Variants in FANCD2 observed in about 807,000 individuals in gnomAD.
FANCD2 encodes the protein Fanconi anemia group D2 protein.
A neutral mutation model predicts 192.3 loss-of-function variants in FANCD2; 131 were observed. The ratio of observed to expected loss-of-function variants is 0.68; its 90% CI spans 0.59 to 0.79. The LOEUF (loss-of-function observed/expected upper bound fraction) is 0.79, where lower values mean the gene tolerates loss of function less well. Among genes scored for constraint, FANCD2 ranks in the 30% least tolerant of loss-of-function variants. The pLI is 0.00. For synonymous variants in FANCD2, 524 were observed against 612.5 expected (o/e 0.86, Z 2.13); for missense variants, 1,508 against 1,701.6 (o/e 0.89, Z 2.00).
intron 43 of FANCD2, 143 bp from the exon 44 acceptor site, chr3:10,101,042 CTGG>C: frequency 3.3e-6 from 2 of 601,106 alleles, no homozygotes; most frequent in South Asian, 3.5e-5. Context: ...GCATTCCAGC[CTGG>C]TGACAGAGCA....
chr3:10,078,174 G>A lies in FANCD2; in HGVS notation c.2953G>A (p.Ala985Thr). Residue 985 changes from alanine to threonine, a missense_variant, in exon 30 of 44, where the codon GCC becomes ACC. This residue lies in a region of FANCD2 where 796 missense variants were observed against 879.4 expected (regional missense o/e 0.91). Transcript: ENST00000675286. ...GGAGAGTATGCTGACACCTCCTATT[G>A]CCAGGAGAGTCCCCTTTCTCAAGGT... ...KLESMLTPPI[A>T]RRVPFLKNKG... 1 of 1,610,716 alleles carries A rather than the reference G, an allele frequency of 6.2e-7. No individual in the cohort carries two copies. The highest frequency in any genetic ancestry group is 8.5e-7 in the Non-Finnish European group (1 of 1,177,100).
intron 18 of FANCD2, among the ~76,000 whole-genome samples, chr3:10,054,863 A>AAG (rs1300842496): frequency 1.3e-5 from 2 of 151,772 alleles, no homozygotes; most frequent in African/African-American, 4.8e-5. Context: ...TAAAAAAAAA[A>AAG]CTTTTGGACT....
At chr3:10,059,479 T>C (rs1302933744) in intron 18 of FANCD2, among the ~76,000 whole-genome samples, 1 of 152,228 alleles carries the variant, frequency 6.6e-6, no homozygotes, top group Admixed American at 6.5e-5. Flanking sequence ...CTAGAAGTTT[T>C]TTATAATGTA....
In FANCD2 at chr3:10,065,861, C is replaced by T. The variant is rs1374524934; in HGVS notation, c.2270-3C>T. On this transcript the variant is annotated splice_region_variant and splice_polypyrimidine_tract_variant and intron_variant, in intron 24 of 43. Coordinates refer to ENST00000675286, the MANE Select transcript of FANCD2 (RefSeq NM_001018115.3). ...GTAGTTGGAAATGTTTGTTCTCTCT[C>T]AGATTGTCCTATATTCCTAACTGAC... 1 of 1,584,414 alleles carries T rather than the reference C, an allele frequency of 6.3e-7. No individual in the cohort carries two copies. The highest frequency in any genetic ancestry group is 8.7e-7 in the Non-Finnish European group (1 of 1,152,954).
At chr3:10,071,835 C>T (rs1027916942) in intron 26 of FANCD2, among the ~76,000 whole-genome samples, 8 of 152,206 alleles carry the variant, frequency 5.3e-5, no homozygotes, top group Non-Finnish European at 1.2e-4. Flanking sequence ...TCTCGGCTTA[C>T]TGCGACCTCT....
chr3:10,036,770 G>A (rs1174157780), intron 7 of FANCD2, among the ~76,000 whole-genome samples: 3 of 151,682 alleles, frequency 2.0e-5, no homozygotes, highest in Middle Eastern at 3.4e-3. Flanking sequence ...AATGGTAGTT[G>A]TCTCCAAAGA....
chr3:10,095,235 G>A lies in FANCD2; in HGVS notation c.3999G>A (p.Leu1333=), dbSNP rs1694883609. ...TGAGCTTACTGGAAACCTTCCAGTT[G>A]GACACAAGGCTGCTTCATCACCTGT... The part of the protein sequence containing the change: ...DVLSLLETFQ[L]DTRLLHHLCG... Residue 1333 remains leucine, a synonymous_variant, in exon 41 of 44, where the codon TTG becomes TTA. Coordinates refer to ENST00000675286, the MANE Select transcript of FANCD2 (RefSeq NM_001018115.3). The A allele has an allele frequency of 1.9e-6, 3 of 1,614,146 alleles. No homozygotes were observed. The East Asian group carries it at 6.7e-5, about 36-fold the overall frequency.
chr3:10,080,107 G>A (rs900205692), intron 30 of FANCD2, among the ~76,000 whole-genome samples: 5 of 151,996 alleles, frequency 3.3e-5, no homozygotes, highest in African/African-American at 1.2e-4. Context: ...TAAAGATGGG[G>A]TTTCACCATG....
chr3:10,051,208 G>C (rs1238194770), intron 17 of FANCD2, among the ~76,000 whole-genome samples: 1 of 149,524 alleles, frequency 6.7e-6, no homozygotes, highest in Admixed American at 6.7e-5. Context: ...GTGAAACCCC[G>C]TCTCTACTAA....
chr3:10,052,396 G>C lies in FANCD2; in HGVS notation c.1555G>C (p.Asp519His), dbSNP rs780491203. The stretch of plus-strand genomic sequence containing the variant: ...ATCATTTTTTCCACAGGGCATTTTA[G>C]ATTATCTGGATAACATATCCCCTCA... ...MNAVFVKGIL[D>H]YLDNISPQQI... Residue 519 changes from aspartate to histidine, a missense_variant, in exon 18 of 44, where the codon GAT becomes CAT. By Grantham distance (81) the Asp-to-His change is moderately conservative. Around this residue, in one of 5 missense-constraint regions of FANCD2, gnomAD observed 110 missense variants for 114.4 expected, o/e 0.96. Coordinates refer to ENST00000675286, the MANE Select transcript of FANCD2 (RefSeq NM_001018115.3). The C allele has an allele frequency of 6.2e-7, 1 of 1,607,766 alleles. No individual in the cohort carries two copies. Among genetic ancestry groups the C allele is most frequent in the South Asian group, 1.1e-5 (1 of 90,952 alleles).
intron 14 of FANCD2, among the ~76,000 whole-genome samples, chr3:10,044,278 T>A (rs1454615523): frequency 2.0e-5 from 3 of 152,172 alleles, no homozygotes; most frequent in Admixed American, 6.5e-5. Flanking sequence ...ACTTTGCTCA[T>A]GTAGACCTGA....
rs143964628 is a variant in FANCD2 at position 10,090,709 on chromosome 3, C to T, written c.3777+324C>T. On this transcript the variant is annotated intron_variant, in intron 37 of 43. Coordinates refer to ENST00000675286, the MANE Select transcript of FANCD2 (RefSeq NM_001018115.3). ...TCCTGACTTCATGATCCACCCACCT[C>T]GGCCTCCCAAAGTGCTGAGATTACA... Among the ~76,000 whole-genome samples, 1,249 of 152,288 alleles carry T rather than the reference C, an allele frequency of 8.2e-3. 21 individuals carry two copies. Among genetic ancestry groups the T allele is most frequent in the African/African-American group, 0.028 (1,174 of 41,564 alleles).
rs370232992 is a variant in FANCD2 at position 10,036,348 on chromosome 3, C to A, written c.491+9C>A. On this transcript the variant is annotated intron_variant, in intron 7 of 43. Coordinates refer to ENST00000675286, the MANE Select transcript of FANCD2 (RefSeq NM_001018115.3). ...GAATATTTTTTTGAAAAGTAAGTGGCGTTATTATGGAATGTTCAAAGTACC... is the reference window on the plus strand; with the variant it reads ...GAATATTTTTTTGAAAAGTAAGTGGAGTTATTATGGAATGTTCAAAGTACC... 2 of 1,604,266 alleles carry A rather than the reference C, an allele frequency of 1.2e-6. No homozygotes were observed.
At chr3:10,087,049 G>A in intron 33 of FANCD2, 85 bp from the exon 34 acceptor site, 1 of 1,462,104 alleles carries the variant, frequency 6.8e-7, no homozygotes, top group South Asian at 1.1e-5. Flanking sequence ...CACTGAAAGG[G>A]ACTTGGGCAC....
intron 25 of FANCD2, 140 bp from the exon 26 acceptor site, chr3:10,067,069 C>T (rs2087741038): frequency 1.3e-5 from 9 of 672,394 alleles, no homozygotes; most frequent in Admixed American, 2.2e-5. Flanking sequence ...CTGTATACCA[C>T]GTTGTTGAGG....
chr3:10,081,268 G>C (rs953652495), intron 31 of FANCD2, 40 bp downstream of exon 31: 1 of 1,613,564 alleles, frequency 6.2e-7, no homozygotes. Flanking sequence ...GCAAATATGA[G>C]GTTTCATTTT....
At chr3:10,033,698 C>CTTTTTTTTTTTT (rs34115008) in intron 3 of FANCD2, among the ~76,000 whole-genome samples, 7 of 89,378 alleles carry the variant, frequency 7.8e-5, no homozygotes, top group African/African-American at 1.4e-4. Context: ...AAAGCTAAGT[C>CTTTTTTTTTTTT]TTTTTTTTTT....
Position 10,043,572 on chromosome 3 carries a change from A to G in FANCD2, c.1078A>G (p.Ile360Val), listed in dbSNP as rs751572704. Reference sequence around the variant, plus strand: ...GTCAGCTATTAGATATGAGAAAACCATTTCAGAAGCCTGGATTAAGGTGAG... The same window carrying G: ...GTCAGCTATTAGATATGAGAAAACCGTTTCAGAAGCCTGGATTAAGGTGAG... ...IKSAIRYEKT[I>V]SEAWIKAIEN... The change falls in exon 13 of 44, where the codon ATT becomes GTT. Residue 360 changes from isoleucine (I) to valine (V), a missense_variant. This residue lies in a region of FANCD2 where 435 missense variants were observed against 421.9 expected (regional missense o/e 1.03). Transcript: ENST00000675286. The G allele has an allele frequency of 6.2e-7, 1 of 1,612,802 alleles. No homozygotes were observed. Among genetic ancestry groups the G allele is most frequent in the Non-Finnish European group, 8.5e-7 (1 of 1,178,816 alleles).
At chr3:10,062,310 G>A (rs1248890549) in intron 20 of FANCD2, 99 bp downstream of exon 20, 30 of 913,428 alleles carry the variant, frequency 3.3e-5, no homozygotes, top group African/African-American at 5.1e-5. Flanking sequence ...GCAAGATCTC[G>A]GCTCACTGCA....
Sources: allele counts gnomAD v4.1 joint callset (sites outside exome capture counted in the v4.1 genomes callset), GRCh38; gene constraint gnomAD v4.1.1; regional missense constraint gnomAD v4.1.1; transcripts MANE v1.5; gene names NCBI Gene and HGNC (gene_info 2026-07-23, HGNC 2026-07-21).